Variants in SLC6A12 observed in about 807,000 individuals in gnomAD.
SLC6A12 encodes the protein solute carrier family 6 member 12, also known as sodium- and chloride-dependent betaine transporter.
SLC6A12 carries 50 observed loss-of-function variants against 73.3 expected under a neutral mutation model. The observed-to-expected ratio is 0.68, with a 90% CI of 0.54 to 0.86. The LOEUF is 0.86. SLC6A12 is among the 40% of genes least tolerant of loss of function. SLC6A12 has a pLI of 0.00. For missense variants in SLC6A12, 648 were observed against 772.8 expected (o/e 0.84, Z 1.92); for synonymous variants, 304 against 309.2 (o/e 0.98, Z 0.18).
At chr12:189,257 C>T (rs890143588), downstream of SLC6A12, among the ~76,000 whole-genome samples, 4 of 152,114 alleles carry the variant, frequency 2.6e-5, no homozygotes, top group Non-Finnish European at 5.9e-5. Flanking sequence ...CGCGGCGCTA[C>T]TCCCCTCTGC....
intron 14 of SLC6A12, chr12:193,035 AG>A: frequency 1.9e-6 from 1 of 536,532 alleles, no homozygotes; most frequent in African/African-American, 1.9e-5. Flanking sequence ...AGGCAGAAGC[AG>A]GAGGCACTGT....
chr12:197,350 G>A, intron 10 of SLC6A12, 27 bp downstream of exon 10: 1 of 1,604,746 alleles, frequency 6.2e-7, no homozygotes, highest in East Asian at 2.2e-5. Context: ...CTTCCCCTCA[G>A]GCCCCAGACA....
At chr12:200,875 C>G in intron 6 of SLC6A12, 92 bp from the exon 7 acceptor site, 3 of 1,364,670 alleles carry the variant, frequency 2.2e-6, no homozygotes, top group Non-Finnish European at 3.0e-6. Context: ...AGAGCTGACC[C>G]CACGGATCTC....
In SLC6A12 at chr12:195,217, C is replaced by G. The variant is rs778035781; in HGVS notation, c.1429+8G>C. The G allele has an allele frequency of 2.5e-6, 4 of 1,576,982 alleles. No individual in the cohort carries two copies. The African/African-American group carries it at 4.0e-5, about 16-fold the overall frequency. ...CCCTGCTTTCCCACCCCACTCCACCCCACTCACCATACACCCAGCTTATGC... is the reference window on the plus strand; with the variant it reads ...CCCTGCTTTCCCACCCCACTCCACCGCACTCACCATACACCCAGCTTATGC... On this transcript the variant is annotated splice_region_variant and intron_variant, in intron 13 of 15. Coordinates refer to ENST00000684302, the MANE Select transcript of SLC6A12 (RefSeq NM_001122848.3).
downstream of SLC6A12, among the ~76,000 whole-genome samples, chr12:189,233 G>A (rs2137094792): frequency 6.6e-6 from 1 of 152,212 alleles, no homozygotes; most frequent in East Asian, 1.9e-4. Flanking sequence ...GGCCCCGGGG[G>A]AGGGCGGCGG....
intron 3 of SLC6A12, among the ~76,000 whole-genome samples, chr12:207,058 G>A (rs78089401): frequency 0.017 from 2,652 of 152,354 alleles, 62 homozygotes; most frequent in African/African-American, 0.049. Flanking sequence ...GGACCTTCGA[G>A]GGGCAGATGA....
chr12:198,978 T>G lies in SLC6A12; in HGVS notation c.712-47A>C. 6.2e-7 allele frequency: 1 copy of G among 1,606,074 alleles called. No homozygotes were observed. The highest frequency in any genetic ancestry group is 1.1e-5 in the South Asian group (1 of 90,762). ...AAGGTCACTCCTGGTGGGGACGCAG[T>G]GGCCCTCCAGCCACGCCCCACAGGC... On this transcript the variant is annotated intron_variant, in intron 7 of 15. Transcript: ENST00000684302. This position sits in a 1 kb window ranked among gnomAD's most constrained non-coding sequence, Gnocchi z 4.0.
Position 192,566 on chromosome 12 carries a change from A to G in SLC6A12, c.1613T>C (p.Ile538Thr), listed in dbSNP as rs746086040. The G allele has an allele frequency of 2.5e-6, 4 of 1,614,076 alleles. No homozygotes were observed. The highest frequency in any genetic ancestry group is 2.5e-6 in the Non-Finnish European group (3 of 1,179,952). ...GGAGGACAGAGCCAGGAACCAGCCA[A>G]TGGAGTATCCCCAGGGCGGGTACAC... ...VYVYPPWGYS[I>T]GWFLALSSMV... The change falls in exon 15 of 16, where the codon ATT becomes ACT. Residue 538 changes from isoleucine to threonine, a missense_variant. Transcript: ENST00000684302.
At position 192,540 on chromosome 12, in the gene SLC6A12, T is replaced by C. The variant is rs935165598; in HGVS notation, c.1639A>G (p.Met547Val). The change falls in exon 15 of 16, where the codon ATG (methionine) becomes GTG (valine). Residue 547 changes from methionine to valine, a missense_variant. Transcript: ENST00000684302. ...SIGWFLALSSMVCVPLFVVIT... is the reference protein window; with the variant it reads ...SIGWFLALSSVVCVPLFVVIT... The stretch of plus-strand genomic sequence containing the variant: ...ACGACGAAGAGTGGGACACAGACCA[T>C]GGAGGACAGAGCCAGGAACCAGCCA... 1.2e-6 allele frequency: 2 copies of C among 1,613,784 alleles called. No individual in the cohort carries two copies. The highest frequency in any genetic ancestry group is 1.7e-6 in the Non-Finnish European group (2 of 1,179,976).
chr12:202,901 T>TG, intron 4 of SLC6A12, 21 bp from the exon 5 acceptor site: 1 of 1,612,016 alleles, frequency 6.2e-7, no homozygotes, highest in Non-Finnish European at 8.5e-7. Flanking sequence ...GGGGGAGAGA[T>TG]GGGGAGGGAC....
At chr12:196,937 G>C in intron 10 of SLC6A12, 55 bp from the exon 11 acceptor site, 1 of 1,249,268 alleles carries the variant, frequency 8.0e-7, no homozygotes, top group Admixed American at 1.7e-5. Context: ...TGCCCTTGGG[G>C]AAGAGGCGTC....
chr12:210,336 C>T, intron 2 of SLC6A12: 1 of 1,158,370 alleles, frequency 8.6e-7, no homozygotes, highest in Non-Finnish European at 1.1e-6. Flanking sequence ...CCCTTTTTAT[C>T]TGTACAGCTC....
At chr12:186,937 C>T (rs1027502638), downstream of SLC6A12, among the ~76,000 whole-genome samples, 4 of 152,186 alleles carry the variant, frequency 2.6e-5, no homozygotes, top group Non-Finnish European at 5.9e-5. Flanking sequence ...AACCACTGCC[C>T]TCTGCTGTCC....
At chr12:211,141 G>T (rs1458623193) in intron 2 of SLC6A12, 1 of 152,248 alleles carries the variant, frequency 6.6e-6, no homozygotes, top group African/African-American at 2.4e-5. Flanking sequence ...TCACCTCTGA[G>T]GGGTATTGAG....
chr12:193,162 C>T (rs997634541), intron 14 of SLC6A12, 115 bp downstream of exon 14: 229 of 757,366 alleles, frequency 3.0e-4, no homozygotes, highest in Non-Finnish European at 2.6e-4. Flanking sequence ...TGGACCAGGC[C>T]CCACGGGAGA....
At chr12:200,853 C>A in intron 6 of SLC6A12, 70 bp from the exon 7 acceptor site, 2 of 1,509,906 alleles carry the variant, frequency 1.3e-6, no homozygotes. Flanking sequence ...GTCAGCAAGT[C>A]TCCTGATTCT....
chr12:201,944 ACTC>A, intron 5 of SLC6A12, 95 bp from the exon 6 acceptor site: 4 of 1,017,424 alleles, frequency 3.9e-6, no homozygotes, highest in Non-Finnish European at 6.1e-6. Flanking sequence ...GGTCCTCACC[ACTC>A]CTAGCCCCAA....
At chr12:187,629 A>C (rs1283620502), downstream of SLC6A12, among the ~76,000 whole-genome samples, 5 of 45,370 alleles carry the variant, frequency 1.1e-4, no homozygotes, top group East Asian at 8.1e-4. Context: ...AAAAAAAAAA[A>C]AACAAACCAC....
In SLC6A12 at chr12:213,939, G is replaced by A; in HGVS notation, c.-160C>T. On this transcript the variant is annotated 5_prime_UTR_variant, in exon 1 of 16. Coordinates refer to ENST00000684302, the MANE Select transcript of SLC6A12 (RefSeq NM_001122848.3). The surrounding 1 kb of genome is among the most constrained non-coding windows in gnomAD (Gnocchi z 5.3). ...CCGCTCACCTCAGTCCCCAGCACCG[G>A]CTCCTGTGGTCAGCTTGGCTGTGGG... 1 of 152,636 alleles carries A rather than the reference G, an allele frequency of 6.6e-6. No individual in the cohort carries two copies. The highest frequency in any genetic ancestry group is 1.5e-5 in the Non-Finnish European group (1 of 68,352). The allele number at this position is 152,636 out of a possible 1,614,324, so 9.5% of individuals were successfully genotyped here. A position where few individuals can be genotyped will look rare whatever the true frequency, so the allele number is the denominator to read the frequency against.
Sources: allele counts gnomAD v4.1 joint callset (sites outside exome capture counted in the v4.1 genomes callset), GRCh38; gene constraint gnomAD v4.1.1; non-coding constraint Gnocchi (gnomAD v3.1); transcripts MANE v1.5; gene names NCBI Gene and HGNC (gene_info 2026-07-23, HGNC 2026-07-21).